Variants in ADGRF3 observed in about 807,000 individuals in gnomAD.
The protein encoded by ADGRF3 is adhesion G protein-coupled receptor F3, also known as G protein-coupled receptor 113.
A neutral mutation model predicts 93.2 loss-of-function variants in ADGRF3; 85 were observed. That is an observed-to-expected ratio of 0.91 (90% CI 0.77 to 1.09). ADGRF3 has a LOEUF of 1.09. Among genes scored for constraint, ADGRF3 ranks in the 50% least tolerant of loss-of-function variants. ADGRF3 has a pLI of 0.00. For synonymous variants in ADGRF3, 534 were observed against 532.5 expected, an observed-to-expected ratio of 1.00 and a Z score of -0.04; for missense variants, 1,125 against 1,246.2, an observed-to-expected ratio of 0.90 and a Z score of 1.46.
chr2:26,319,561 CCCTCCCTTCCTTCCTTCCTTCCTTCCTT>C (rs775395760), intron 1 of ADGRF3, among the ~76,000 whole-genome samples: 1,667 of 36,534 alleles, frequency 0.046, 62 homozygotes, highest in African/African-American at 0.1. Flanking sequence ...CTCCCTCCCT[CCCTCCCTTCCTTCCTTCCTTCCTTCCTT>C]CCTTCCTTCC....
Position 26,313,134 on chromosome 2 carries a change from G to T in ADGRF3, c.1270-12C>A. The T allele has an allele frequency of 6.2e-7, 1 of 1,613,390 alleles. No homozygotes were observed. ...CCTGCCTGCAGCAGCTGAGACAGAC[G>T]AGACAGCATGAAGTGGGACACATGG... On this transcript the variant is annotated splice_polypyrimidine_tract_variant and intron_variant, in intron 8 of 13. Transcript: ENST00000651242.
intron 1 of ADGRF3, chr2:26,340,612 A>T (rs1473017626): frequency 6.6e-6 from 1 of 152,246 alleles, no homozygotes; most frequent in East Asian, 1.9e-4. Flanking sequence ...AAGAGAAAGG[A>T]TCGCAGAGGT....
At chr2:26,321,993 G>A (rs1265817273) in intron 1 of ADGRF3, among the ~76,000 whole-genome samples, 2 of 143,178 alleles carry the variant, frequency 1.4e-5, no homozygotes, top group African/African-American at 5.2e-5. Context: ...AAAGCAAGCT[G>A]ATAGAGGCTG....
At position 26,311,244 on chromosome 2, in the gene ADGRF3, G is replaced by A. The variant is rs77088392; in HGVS notation, c.2280C>T (p.Gly760=). 31,927 of 1,609,824 alleles carry A rather than the reference G, an allele frequency of 0.02. 361 individuals carry two copies. The highest frequency in any genetic ancestry group is 0.037 in the Middle Eastern group (222 of 6,052). Residue 760 remains glycine (G), a synonymous_variant, in exon 10 of 14, where the codon GGC becomes GGT. Coordinates refer to ENST00000651242, the MANE Select transcript of ADGRF3 (RefSeq NM_001321971.2). ...GGGGCCCTGGAGAGAGGAATGGGGCGCCCAGGAAGCAAGTGTCTGCGGCCA... is the reference window on the plus strand; with the variant it reads ...GGGGCCCTGGAGAGAGGAATGGGGCACCCAGGAAGCAAGTGTCTGCGGCCA... ...CLLAADTCFL[G]APFLSPGPRS...
At chr2:26,342,082 A>C (rs972013195) in intron 1 of ADGRF3, among the ~76,000 whole-genome samples, 4 of 150,722 alleles carry the variant, frequency 2.7e-5, no homozygotes, top group African/African-American at 7.3e-5. Flanking sequence ...CAAAAAAAAA[A>C]CAACTGACTT....
intron 1 of ADGRF3, among the ~76,000 whole-genome samples, chr2:26,323,286 C>T (rs1675258444): frequency 6.6e-6 from 1 of 152,182 alleles, no homozygotes; most frequent in African/African-American, 2.4e-5. Flanking sequence ...ATTGCTGCCA[C>T]CTACCTACTC....
rs1395482190 is a variant in ADGRF3 at position 26,310,711 on chromosome 2, G to T, written c.2813C>A (p.Thr938Asn). Reference sequence around the variant, plus strand: ...ACCTACCTGGAGGGTGTTGAGAATGGTGAAGATGTAATGAGGGACCGTGGA... The same window carrying T: ...ACCTACCTGGAGGGTGTTGAGAATGTTGAAGATGTAATGAGGGACCGTGGA... ...EVSTVPHYIFTILNTLQGVFI... is the reference protein window; with the variant it reads ...EVSTVPHYIFNILNTLQGVFI... The change falls in exon 10 of 14, where the codon ACC becomes AAC. Residue 938 changes from threonine (T) to asparagine (N), a missense_variant. Transcript: ENST00000651242. 5 of 1,612,110 alleles carry T rather than the reference G, an allele frequency of 3.1e-6. No homozygotes were observed. The highest frequency in any genetic ancestry group is 3.4e-5 in the Admixed American group (2 of 59,654).
intron 1 of ADGRF3, among the ~76,000 whole-genome samples, chr2:26,321,141 A>C (rs1281871744): frequency 6.6e-6 from 1 of 152,028 alleles, no homozygotes; most frequent in East Asian, 1.9e-4. Flanking sequence ...GCCCCATTGC[A>C]TTTCCACCTC....
chr2:26,316,564 C>T, intron 3 of ADGRF3, 116 bp from the exon 4 acceptor site: 2 of 1,072,416 alleles, frequency 1.9e-6, no homozygotes, highest in South Asian at 1.6e-5. Context: ...GACCAATCCC[C>T]AAGCTACAGG....
In ADGRF3 at chr2:26,310,860, C is replaced by T. The variant is rs1223539151; in HGVS notation, c.2664G>A (p.Leu888=). The part of the protein sequence containing the change: ...MAMLKLLRPS[L]SEGPPAEKRQ... ...GCTTCTCTGCTGGGGGTCCCTCTGA[C>T]AGCGAAGGTCTCAGCAACTTCAGCA... Residue 888 remains leucine, a synonymous_variant, in exon 10 of 14, where the codon CTG becomes CTA. Coordinates refer to ENST00000651242, the MANE Select transcript of ADGRF3 (RefSeq NM_001321971.2). The T allele has an allele frequency of 1.2e-6, 2 of 1,612,810 alleles. No homozygotes were observed. Among genetic ancestry groups the T allele is most frequent in the Non-Finnish European group, 1.7e-6 (2 of 1,179,414 alleles).
chr2:26,341,985 A>C (rs1676423920), intron 1 of ADGRF3, among the ~76,000 whole-genome samples: 3 of 151,790 alleles, frequency 2.0e-5, no homozygotes, highest in Non-Finnish European at 4.4e-5. Flanking sequence ...AGGCAGGAGA[A>C]TGGCGTGAAC....
At chr2:26,314,347 C>T (rs982819877) in intron 6 of ADGRF3, 67 bp downstream of exon 6, 16 of 1,462,620 alleles carry the variant, frequency 1.1e-5, no homozygotes, top group Non-Finnish European at 1.5e-5. Context: ...GCTGAAGACC[C>T]AGCTGCCTGG....
intron 1 of ADGRF3, among the ~76,000 whole-genome samples, chr2:26,337,046 A>G (rs1676096358): frequency 1.3e-5 from 2 of 152,212 alleles, no homozygotes; most frequent in Middle Eastern, 3.2e-3. Flanking sequence ...GGTGTAAGTC[A>G]GTGGTTTGCA....
Position 26,311,063 on chromosome 2 carries a change from G to A in ADGRF3, c.2461C>T (p.Leu821=), listed in dbSNP as rs1411161227. Residue 821 remains leucine, a synonymous_variant, in exon 10 of 14, where the codon CTG becomes TTG. Coordinates refer to ENST00000651242, the MANE Select transcript of ADGRF3 (RefSeq NM_001321971.2). ...KHRVLPLMVL[L]GYLCPLGLAG... ...AACCCCAGTGGGCACAGGTAGCCCA[G>A]GAGCACCATGAGGGGGAGAACTCGG... The A allele has an allele frequency of 1.2e-6, 2 of 1,608,384 alleles. No homozygotes were observed. The highest frequency in any genetic ancestry group is 2.7e-5 in the African/African-American group (2 of 74,868).
intron 1 of ADGRF3, among the ~76,000 whole-genome samples, chr2:26,334,937 T>C (rs1205468337): frequency 1.3e-5 from 2 of 152,022 alleles, no homozygotes; most frequent in South Asian, 2.1e-4. Flanking sequence ...TATCAATAAA[T>C]ACATTTTTAG....
chr2:26,329,554 C>G (rs867047942), intron 1 of ADGRF3, among the ~76,000 whole-genome samples: 4 of 152,222 alleles, frequency 2.6e-5, no homozygotes, highest in South Asian at 2.1e-4. Context: ...AAATGCAGAT[C>G]TGCTGACATC....
intron 4 of ADGRF3, 134 bp downstream of exon 4, chr2:26,316,141 G>T: frequency 2.2e-6 from 2 of 899,816 alleles, no homozygotes; most frequent in Non-Finnish European, 1.7e-6. Context: ...TATGATGGCT[G>T]GCTTTTTCTC....
chr2:26,321,286 G>A (rs369228011), intron 1 of ADGRF3, among the ~76,000 whole-genome samples: 1 of 152,158 alleles, frequency 6.6e-6, no homozygotes, highest in Non-Finnish European at 1.5e-5. Flanking sequence ...TGGAGAATCT[G>A]GTTTGAGAAC....
At chr2:26,316,842 C>A in intron 3 of ADGRF3, 70 bp downstream of exon 3, 1 of 1,501,852 alleles carries the variant, frequency 6.7e-7, no homozygotes, top group Non-Finnish European at 8.9e-7. Flanking sequence ...GAGTCTCAGG[C>A]AAGCTGGCTG....
Sources: gnomAD v4.1 joint callset for allele counts (sites outside exome capture counted in the v4.1 genomes callset) on GRCh38, gnomAD v4.1.1 for gene constraint, MANE v1.5 for transcripts, NCBI Gene and HGNC (gene_info 2026-07-23, HGNC 2026-07-21) for gene names.